Variants in HS3ST3A1 observed in about 807,000 individuals in gnomAD.
HS3ST3A1 encodes the protein heparan sulfate glucosamine 3-O-sulfotransferase 3A1.
In HS3ST3A1, 19 loss-of-function variants were observed where a neutral mutation model predicts 25.7. The ratio of observed to expected loss-of-function variants is 0.74; its 90% confidence interval spans 0.52 to 1.08. HS3ST3A1 has a LOEUF of 1.08. HS3ST3A1 is among the 50% of genes least tolerant of loss of function. The pLI, the probability that HS3ST3A1 is intolerant of heterozygous loss-of-function variation, is 0.00. For missense variants in HS3ST3A1, 459 were observed against 594.3 expected (o/e 0.77, Z 2.37); for synonymous variants, 226 against 278.6 (o/e 0.81, Z 1.88).
In HS3ST3A1 at chr17:13,520,153, A is replaced by T. The variant is rs116030604; in HGVS notation, c.600-23335T>A. ...CCTCCCTACATCTATCCTCTAATTAATAAAAAGGCTGGTAAAGGTTCAATA... is the reference window on the plus strand; with the variant it reads ...CCTCCCTACATCTATCCTCTAATTATTAAAAAGGCTGGTAAAGGTTCAATA... On this transcript the variant is annotated intron_variant, in intron 1 of 1. Coordinates refer to ENST00000284110, the MANE Select transcript of HS3ST3A1 (RefSeq NM_006042.3). Among the ~76,000 whole-genome samples the T allele has an allele frequency of 4.3e-3, 656 of 152,340 alleles. 5 individuals carry two copies. Among genetic ancestry groups the T allele is most frequent in the African/African-American group, 0.015 (616 of 41,576 alleles).
rs921538554 is a variant in HS3ST3A1 at position 13,601,226 on chromosome 17, G to C, written c.-97C>G. 2.2e-6 allele frequency: 2 copies of C among 909,580 alleles called. No individual in the cohort carries two copies. Among genetic ancestry groups the C allele is most frequent in the Non-Finnish European group, 3.1e-6 (2 of 644,388 alleles). The allele number at this position is 909,580 out of a possible 1,614,324, so 56.3% of individuals were successfully genotyped here. ...CCCCCGGCGGGCCAGCGCGCTGGAC[G>C]GAGGCCACATCGCCGTGCGCCCCTG... On this transcript the variant is annotated 5_prime_UTR_variant, in exon 1 of 2. Coordinates refer to ENST00000284110, the MANE Select transcript of HS3ST3A1 (RefSeq NM_006042.3).
At position 13,496,746 on chromosome 17, in the gene HS3ST3A1, C is replaced by G. The variant is rs751428227; in HGVS notation, c.672G>C (p.Glu224Asp). ...ACATGGCCGAGATGCGCGCGGGGGC[C>G]TCCCGCGTGACGAAGTAACTGGGCG... The part of the protein sequence containing the change: ...EKTPSYFVTR[E>D]APARISAMSK... Residue 224 changes from glutamate (E) to aspartate (D), a missense_variant, in exon 2 of 2, where the codon GAG (glutamate) becomes GAC (aspartate). By Grantham distance (45) the Glu-to-Asp change is conservative (BLOSUM62 2). Transcript: ENST00000284110. The G allele has an allele frequency of 6.2e-7, 1 of 1,614,008 alleles. No individual in the cohort carries two copies. Among genetic ancestry groups the G allele is most frequent in the Non-Finnish European group, 8.5e-7 (1 of 1,179,992 alleles).
intron 1 of HS3ST3A1, among the ~76,000 whole-genome samples, chr17:13,524,960 AAT>A (rs1164664257): frequency 1.3e-5 from 2 of 152,186 alleles, no homozygotes; most frequent in Non-Finnish European, 2.9e-5. Context: ...GATTATTAAA[AAT>A]AGATATTTTT....
intron 1 of HS3ST3A1, among the ~76,000 whole-genome samples, chr17:13,588,571 G>A (rs572967109): frequency 5.5e-4 from 83 of 152,136 alleles, no homozygotes; most frequent in Non-Finnish European, 9.9e-4. Context: ...TCCTTTCAGC[G>A]CACACACATC....
intron 1 of HS3ST3A1, among the ~76,000 whole-genome samples, chr17:13,583,973 A>T (rs1397921180): frequency 1.3e-5 from 2 of 152,188 alleles, no homozygotes. Context: ...AGGATTTCTC[A>T]CCATTACCAT....
chr17:13,542,398 T>A (rs1906961881), intron 1 of HS3ST3A1, among the ~76,000 whole-genome samples: 1 of 151,338 alleles, frequency 6.6e-6, no homozygotes, highest in Non-Finnish European at 1.5e-5. Flanking sequence ...GAATTGGTGT[T>A]CTTAAAGGAA....
chr17:13,528,894 G>A (rs1364310213), intron 1 of HS3ST3A1, among the ~76,000 whole-genome samples: 1 of 151,802 alleles, frequency 6.6e-6, no homozygotes, highest in Non-Finnish European at 1.5e-5. Context: ...TGGGAGCATG[G>A]GTAATGCATG....
At chr17:13,574,194 C>T (rs903044720) in intron 1 of HS3ST3A1, among the ~76,000 whole-genome samples, 7 of 144,826 alleles carry the variant, frequency 4.8e-5, no homozygotes, top group Non-Finnish European at 7.5e-5. Flanking sequence ...AGTACAGTGG[C>T]GCGATCTCAG....
chr17:13,549,731 T>G (rs1014296413), intron 1 of HS3ST3A1, among the ~76,000 whole-genome samples: 1 of 152,210 alleles, frequency 6.6e-6, no homozygotes. Context: ...CCATGCCGAC[T>G]GTCACACAGG....
rs560355812 is a variant in HS3ST3A1 at position 13,496,055 on chromosome 17, G to C, written c.*142C>G. 9.8e-7 allele frequency: 1 copy of C among 1,015,598 alleles called. No individual in the cohort carries two copies. Among genetic ancestry groups the C allele is most frequent in the Middle Eastern group, 3.3e-4 (1 of 2,996 alleles). 62.9% of individuals were successfully genotyped at this position (1,015,598 alleles called of 1,614,324 possible). On this transcript the variant is annotated 3_prime_UTR_variant, in exon 2 of 2. Coordinates refer to ENST00000284110, the MANE Select transcript of HS3ST3A1 (RefSeq NM_006042.3). ...TGTTGGTTATACATTAAGATGGGGC[G>C]GGAGTGAGAACAATCTCTTAACATT...
chr17:13,565,068 A>G (rs1907643906), intron 1 of HS3ST3A1, among the ~76,000 whole-genome samples: 1 of 151,892 alleles, frequency 6.6e-6, no homozygotes, highest in Non-Finnish European at 1.5e-5. Context: ...CTTTCTATGT[A>G]CTATGTCTGT....
chr17:13,563,894 T>C (rs944003804), intron 1 of HS3ST3A1, among the ~76,000 whole-genome samples: 1 of 152,190 alleles, frequency 6.6e-6, no homozygotes, highest in Non-Finnish European at 1.5e-5. Flanking sequence ...AAATTGCAAC[T>C]ATGAGCACCG....
intron 1 of HS3ST3A1, among the ~76,000 whole-genome samples, chr17:13,558,551 G>A (rs1010714158): frequency 2.0e-5 from 3 of 152,144 alleles, no homozygotes; most frequent in Non-Finnish European, 2.9e-5. Context: ...TATCTCGAGC[G>A]AAGGAAGGCA....
At chr17:13,509,754 A>G (rs953812427) in intron 1 of HS3ST3A1, among the ~76,000 whole-genome samples, 2 of 152,170 alleles carry the variant, frequency 1.3e-5, no homozygotes, top group African/African-American at 2.4e-5. Context: ...AACCTTAGAA[A>G]TCCCCTAATC....
chr17:13,499,486 T>G (rs565513708), intron 1 of HS3ST3A1, among the ~76,000 whole-genome samples: 2 of 152,202 alleles, frequency 1.3e-5, no homozygotes, highest in African/African-American at 4.8e-5. Context: ...CTTTCTCTTT[T>G]TTTCTATATA....
rs539255021 is a variant in HS3ST3A1, at chr17:13,534,641, T to C, written c.600-37823A>G. On this transcript the variant is annotated intron_variant, in intron 1 of 1. Transcript: ENST00000284110. Reference sequence around the variant, plus strand: ...ATCCTGGGAGAATGAGGTGGTAGGATTGCTGCAGCCCAGGGAGATCAAGGC... The same window carrying C: ...ATCCTGGGAGAATGAGGTGGTAGGACTGCTGCAGCCCAGGGAGATCAAGGC... Among the ~76,000 whole-genome samples the C allele has an allele frequency of 3.3e-5, 5 of 149,510 alleles. No individual in the cohort carries two copies. In the South Asian group the frequency reaches 1.1e-3, roughly 32 times the overall value.
intron 1 of HS3ST3A1, among the ~76,000 whole-genome samples, chr17:13,551,214 TTG>T (rs1298853007): frequency 6.6e-6 from 1 of 151,156 alleles, no homozygotes; most frequent in African/African-American, 2.4e-5. Context: ...GTGGGCGTGG[TTG>T]TGTGTGTCTG....
intron 1 of HS3ST3A1, among the ~76,000 whole-genome samples, chr17:13,585,826 A>AT (rs57124125): frequency 0.66 from 72,803 of 110,956 alleles, 24,783 homozygotes; most frequent in East Asian, 0.93. Context: ...GAGACCTGTT[A>AT]TTCCTCCTTC....
chr17:13,535,763 G>A (rs1176350713), intron 1 of HS3ST3A1, among the ~76,000 whole-genome samples: 1 of 152,052 alleles, frequency 6.6e-6, no homozygotes, highest in Non-Finnish European at 1.5e-5. Context: ...TCTTAAAAAA[G>A]TAAAAATATG....
Sources: allele counts gnomAD v4.1 joint callset (sites outside exome capture counted in the v4.1 genomes callset), GRCh38; gene constraint gnomAD v4.1.1; transcripts MANE v1.5; gene names NCBI Gene and HGNC (gene_info 2026-07-23, HGNC 2026-07-21).